The following MAF variants were observed in gnomAD, a reference collection of about 807,000 sequenced individuals.
The protein encoded by MAF is MAF bZIP transcription factor.
In MAF, 10 loss-of-function variants were observed where a neutral mutation model predicts 22.0. That is an observed-to-expected ratio of 0.45 (90% CI 0.28 to 0.77). The LOEUF is 0.77. MAF is among the 30% of genes least tolerant of loss of function. MAF has a pLI of 0.12. For synonymous variants in MAF, 337 were observed against 255.8 expected (o/e 1.32, Z -3.03); for missense variants, 544 against 548.4 (o/e 0.99, Z 0.08).
At chr16:79,337,641 G>A in the MAF span, among the ~76,000 whole-genome samples, 1 of 152,064 alleles carries the variant, frequency 6.6e-6, no homozygotes, top group Admixed American at 6.6e-5. Flanking sequence ...CATCTCCATC[G>A]TCTTTAAACA....
chr16:79,305,098 C>T, the MAF span, among the ~76,000 whole-genome samples: 9 of 152,318 alleles, frequency 5.9e-5, no homozygotes, highest in South Asian at 6.2e-4. Flanking sequence ...ATATCCATTT[C>T]GGCTTGTATT....
the MAF span, among the ~76,000 whole-genome samples, chr16:79,224,992 C>A: frequency 1.3e-5 from 2 of 152,128 alleles, no homozygotes. Context: ...TGACTTTCTT[C>A]ACAGAATTAG....
chr16:79,435,673 C>T, the MAF span, among the ~76,000 whole-genome samples: 1 of 152,112 alleles, frequency 6.6e-6, no homozygotes, highest in Non-Finnish European at 1.5e-5. Context: ...CTATGTTCTC[C>T]CCAAATTCAT....
chr16:79,483,021 TTC>T, the MAF span, among the ~76,000 whole-genome samples: 1 of 7,804 alleles, frequency 1.3e-4, no homozygotes, highest in Non-Finnish European at 2.6e-4. Context: ...CCTCTGTCTC[TTC>T]CCTCCCCTCC....
At chr16:79,211,000 A>G in the MAF span, among the ~76,000 whole-genome samples, 6 of 150,302 alleles carry the variant, frequency 4.0e-5, no homozygotes, top group African/African-American at 1.2e-4. Context: ...TTAATGTGTT[A>G]TGTGTTTGTG....
the MAF span, among the ~76,000 whole-genome samples, chr16:79,221,633 G>T: frequency 1.3e-5 from 2 of 152,184 alleles, no homozygotes; most frequent in African/African-American, 4.8e-5. Context: ...CCTAAAACAA[G>T]GCAATCTTCA....
the MAF span, among the ~76,000 whole-genome samples, chr16:79,511,907 C>T: frequency 2.0e-5 from 3 of 152,104 alleles, no homozygotes; most frequent in African/African-American, 4.8e-5. Context: ...CATAAGCCAC[C>T]TTGATTAGCT....
At chr16:79,322,083 T>C in the MAF span, among the ~76,000 whole-genome samples, 76,934 of 151,754 alleles carry the variant, frequency 0.51, 21,623 homozygotes, top group Non-Finnish European at 0.64. Context: ...AATACGAAAA[T>C]TAGCCGGGTG....
the MAF span, among the ~76,000 whole-genome samples, chr16:79,481,112 C>T: frequency 1.3e-5 from 2 of 152,152 alleles, no homozygotes; most frequent in Non-Finnish European, 2.9e-5. Context: ...CTGTTCTGTT[C>T]CCACTGGCTG....
At chr16:79,545,086 T>C in the MAF span, among the ~76,000 whole-genome samples, 1 of 152,184 alleles carries the variant, frequency 6.6e-6, no homozygotes, top group East Asian at 1.9e-4. Context: ...TGCATTTCTG[T>C]TGTTTGTTTT....
the MAF span, among the ~76,000 whole-genome samples, chr16:79,557,108 C>G: frequency 6.7e-3 from 1,022 of 152,036 alleles, 23 homozygotes; most frequent in African/African-American, 0.023. Flanking sequence ...CCACAGCACC[C>G]AGCTCACGTA....
the MAF span, among the ~76,000 whole-genome samples, chr16:79,402,478 G>A: frequency 2.6e-4 from 39 of 152,192 alleles, no homozygotes; most frequent in African/African-American, 4.8e-5. Flanking sequence ...CCAGGCCCAG[G>A]TGGCCACAGG....
chr16:79,263,512 C>A, the MAF span, among the ~76,000 whole-genome samples: 11 of 152,230 alleles, frequency 7.2e-5, 1 homozygote, highest in Admixed American at 6.5e-4. Context: ...CAGTGACGTT[C>A]TAAAATTTAA....
At chr16:79,419,045 T>A in the MAF span, among the ~76,000 whole-genome samples, 1 of 152,226 alleles carries the variant, frequency 6.6e-6, no homozygotes, top group African/African-American at 2.4e-5. Context: ...TTAGTTTTCA[T>A]AAATGTCAGC....
At chr16:79,313,826 G>T in the MAF span, among the ~76,000 whole-genome samples, 1 of 152,100 alleles carries the variant, frequency 6.6e-6, no homozygotes, top group South Asian at 2.1e-4. Flanking sequence ...TTGGAGTCAG[G>T]GGGATAGAGG....
At chr16:79,469,119 C>A in the MAF span, among the ~76,000 whole-genome samples, 1 of 152,122 alleles carries the variant, frequency 6.6e-6, no homozygotes, top group Non-Finnish European at 1.5e-5. Context: ...GCAGAGGTTG[C>A]AAACTGGAGC....
the MAF span, among the ~76,000 whole-genome samples, chr16:79,458,090 T>A: frequency 8.7e-6 from 1 of 115,536 alleles, no homozygotes; most frequent in African/African-American, 2.7e-5. Context: ...AGATTTCAAC[T>A]AAGATTTTGG....
the MAF span, among the ~76,000 whole-genome samples, chr16:79,459,410 G>C: frequency 2.6e-5 from 4 of 152,006 alleles, no homozygotes; most frequent in African/African-American, 9.7e-5. Context: ...TGGGAGAGTC[G>C]TATTATGTAC....
At chr16:79,461,701 T>C in the MAF span, among the ~76,000 whole-genome samples, 2 of 152,154 alleles carry the variant, frequency 1.3e-5, no homozygotes, top group Non-Finnish European at 2.9e-5. Flanking sequence ...AGGGCGCTCA[T>C]GTCCATGTGG....
Sources: allele counts gnomAD v4.1 joint callset (sites outside exome capture counted in the v4.1 genomes callset), GRCh38; gene constraint gnomAD v4.1.1; transcripts MANE v1.5; gene names NCBI Gene and HGNC (gene_info 2026-07-23, HGNC 2026-07-21).